NUMB: variants seen among roughly 807,000 people sequenced by gnomAD.
NUMB encodes NUMB endocytic adaptor protein.
NUMB carries 29 observed loss-of-function variants against 59.7 expected under a neutral mutation model. The observed-to-expected ratio is 0.49, with a 90% CI of 0.36 to 0.66. NUMB has a LOEUF of 0.66. Among genes scored for constraint, NUMB ranks in the 30% least tolerant of loss-of-function variants. NUMB has a pLI of 0.00. For synonymous variants in NUMB, 288 were observed against 288.2 expected (o/e 1.00, Z 0.01); for missense variants, 723 against 822.0 (o/e 0.88, Z 1.47).
chr14:73,314,787 T>C (rs1218931336), intron 6 of NUMB, among the ~76,000 whole-genome samples: 2 of 152,014 alleles, frequency 1.3e-5, no homozygotes, highest in East Asian at 1.9e-4. Flanking sequence ...ACTTGAACAA[T>C]AGTTAAAATT....
At chr14:73,451,599 TAAATA>T (rs1276390986) in intron 1 of NUMB, among the ~76,000 whole-genome samples, 2 of 151,968 alleles carry the variant, frequency 1.3e-5, no homozygotes, top group East Asian at 3.9e-4. Context: ...TGGGCATCTT[TAAATA>T]AAATAAATTA....
intron 2 of NUMB, among the ~76,000 whole-genome samples, chr14:73,368,121 G>A (rs1397299076): frequency 6.6e-6 from 1 of 152,088 alleles, no homozygotes; most frequent in South Asian, 2.1e-4. Context: ...TGGCTGGCAA[G>A]AGGGTAAATA....
intron 4 of NUMB, among the ~76,000 whole-genome samples, chr14:73,345,003 C>T (rs920379475): frequency 6.6e-6 from 1 of 152,300 alleles, no homozygotes; most frequent in Admixed American, 6.5e-5. Flanking sequence ...TGGGTATATA[C>T]CCGAGGGAAT....
At chr14:73,373,937 C>T (rs1465209217) in intron 2 of NUMB, among the ~76,000 whole-genome samples, 1 of 150,668 alleles carries the variant, frequency 6.6e-6, no homozygotes, top group Admixed American at 6.6e-5. Flanking sequence ...AGTGTGATCT[C>T]GGCTCACTTC....
At chr14:73,434,273 T>C (rs1274610814) in intron 1 of NUMB, among the ~76,000 whole-genome samples, 3 of 152,168 alleles carry the variant, frequency 2.0e-5, no homozygotes, top group African/African-American at 4.8e-5. Context: ...CTCTATGATA[T>C]TGGGCAAATC....
rs869074049 is a variant in NUMB, at chr14:73,389,272, C to CAAAAAAAAAAA, written c.-101+20654_-101+20664dup. Among the ~76,000 whole-genome samples, 33 of 66,462 alleles carry CAAAAAAAAAAA rather than the reference C, an allele frequency of 5.0e-4. 1 individual carries two copies. Among genetic ancestry groups the CAAAAAAAAAAA allele is most frequent in the African/African-American group, 1.5e-3 (26 of 17,132 alleles). The allele number at this position is 66,462 out of a possible 152,430, so 43.6% of individuals were successfully genotyped here. On this transcript the variant is annotated intron_variant, in intron 2 of 12. Transcript: ENST00000555238. ...GGTTACAGAGCGAGACTCCATCTCT[C>CAAAAAAAAAAA]AAAAAAAAAAAAAAAAAAAAACAAA...
Position 73,316,406 on chromosome 14 carries a change from T to C in NUMB, c.218A>G (p.Lys73Arg), listed in dbSNP as rs1192986175. ...KRLKAERKFF[K>R]GFFGKTGKKA... Reference sequence around the variant, plus strand: ...CAAACTTACTTTTCCAAAGAAGCCTTTGAAGAACTTCCTTTCCTGGAGGAA... The same window carrying C: ...CAAACTTACTTTTCCAAAGAAGCCTCTGAAGAACTTCCTTTCCTGGAGGAA... The change falls in exon 6 of 13, where the codon AAA becomes AGA. Residue 73 changes from lysine (K) to arginine (R), a missense_variant. Physicochemically the swap from Lys to Arg is conservative, Grantham distance 26. This residue lies in a region of NUMB where 317 missense variants were observed against 436.6 expected (regional missense o/e 0.73). Transcript: ENST00000555238. 3.1e-6 allele frequency: 5 copies of C among 1,613,630 alleles called. No individual in the cohort carries two copies. The East Asian group carries it at 8.9e-5, about 29-fold the overall frequency.
Position 73,352,603 on chromosome 14 carries a change from C to T in NUMB, c.126+3023G>A, listed in dbSNP as rs373018080. On this transcript the variant is annotated intron_variant, in intron 4 of 12. Transcript: ENST00000555238. ...AGGCTGGAGTGCAGTGGCACAATCT[C>T]GGCTCACTTCAAGCTTCGCCTCCCT... Among the ~76,000 whole-genome samples the T allele has an allele frequency of 5.7e-3, 774 of 135,440 alleles. 3 individuals are homozygous for T. Among genetic ancestry groups the T allele is most frequent in the Middle Eastern group, 0.013 (3 of 226 alleles). The allele number at this position is 135,440 out of a possible 152,430, so 88.9% of individuals were successfully genotyped here. A position where few individuals can be genotyped will look rare whatever the true frequency, so the allele number is the denominator to read the frequency against.
In NUMB at chr14:73,287,524, C is replaced by T. The variant is rs1220431314; in HGVS notation, c.451-210G>A. Among the ~76,000 whole-genome samples the T allele has an allele frequency of 2.0e-5, 3 of 151,900 alleles. No homozygotes were observed. In the East Asian group the frequency reaches 5.8e-4, roughly 29 times the overall value. On this transcript the variant is annotated intron_variant, in intron 8 of 12. Transcript: ENST00000555238. The stretch of plus-strand genomic sequence containing the variant: ...TCCTGAGTAGCTGGGACTACAATCA[C>T]GCACCACCACACCTGGCTAATTTTT...
rs2140333336 is a variant in NUMB at position 73,276,795 on chromosome 14, G to A, written c.1739C>T (p.Ala580Val). ...ATTSPFFKPP[A>V]QHLNGSAAFN... ...AGCTGCAGAACCGTTGAGGTGCTGA[G>A]CAGGAGGCTTAAAGAAGGGACTGGT... Residue 580 changes from alanine to valine, a missense_variant, in exon 13 of 13, where the codon GCT (alanine) becomes GTT (valine). Transcript: ENST00000555238. 1 of 1,614,212 alleles carries A rather than the reference G, an allele frequency of 6.2e-7. No homozygotes were observed. Among genetic ancestry groups the A allele is most frequent in the South Asian group, 1.1e-5 (1 of 91,092 alleles).
intron 6 of NUMB, chr14:73,298,832 A>G (rs1347188340): frequency 6.6e-6 from 1 of 152,166 alleles, no homozygotes; most frequent in Non-Finnish European, 1.5e-5. Context: ...AAATTTGATG[A>G]GTGCCTATAA....
In NUMB at chr14:73,414,078, CT is replaced by C. The variant is rs540968318; in HGVS notation, c.-232-4011del. Among the ~76,000 whole-genome samples the C allele has an allele frequency of 2.2e-4, 33 of 152,150 alleles. 1 individual carries two copies. The South Asian group carries it at 6.6e-3, about 31-fold the overall frequency. Reference sequence around the variant, plus strand: ...CAAGGGATTCTCATGCCTCAGCCTCCTGAGTAGCTGAGACTACAGGCACATG... The same window carrying C: ...CAAGGGATTCTCATGCCTCAGCCTCCGAGTAGCTGAGACTACAGGCACATG... On this transcript the variant is annotated intron_variant, in intron 1 of 12. Coordinates refer to ENST00000555238, the MANE Select transcript of NUMB (RefSeq NM_001005743.2).
chr14:73,419,485 G>A (rs1897270663), intron 1 of NUMB, among the ~76,000 whole-genome samples: 1 of 152,064 alleles, frequency 6.6e-6, no homozygotes, highest in Admixed American at 6.6e-5. Flanking sequence ...CTCCAGCCTG[G>A]GCGACAGAGC....
intron 1 of NUMB, among the ~76,000 whole-genome samples, chr14:73,430,609 G>A (rs796457980): frequency 3.9e-5 from 6 of 152,040 alleles, no homozygotes; most frequent in African/African-American, 1.4e-4. Context: ...ACTCTAGTCT[G>A]GGTGACAAGG....
At position 73,278,925 on chromosome 14, in the gene NUMB, CA is replaced by C; in HGVS notation, c.1240+355del. ...GTATTTTTAGTAGAGATGGTTTCAC[CA>C]TGTTGGCCAGGATGGTCTCCATCTC... On this transcript the variant is annotated intron_variant, in intron 12 of 12. Transcript: ENST00000555238. Among the ~76,000 whole-genome samples the C allele has an allele frequency of 1.3e-5, 2 of 152,070 alleles. 1 individual carries two copies. The highest frequency in any genetic ancestry group is 4.2e-4 in the South Asian group (2 of 4,810).
intron 1 of NUMB, among the ~76,000 whole-genome samples, chr14:73,436,516 C>T (rs1898058788): frequency 6.6e-6 from 1 of 152,036 alleles, no homozygotes; most frequent in Admixed American, 6.6e-5. Flanking sequence ...GACACGGTTT[C>T]ACCATGTTGG....
At chr14:73,380,325 C>T (rs867285606) in intron 2 of NUMB, among the ~76,000 whole-genome samples, 5 of 152,126 alleles carry the variant, frequency 3.3e-5, no homozygotes, top group African/African-American at 1.2e-4. Flanking sequence ...CCTGAGCAAT[C>T]GGAAGAATGG....
chr14:73,350,060 TATAC>T (rs199905122), intron 4 of NUMB, among the ~76,000 whole-genome samples: 23 of 143,072 alleles, frequency 1.6e-4, no homozygotes, highest in African/African-American at 3.4e-4. Context: ...TACATACATA[TATAC>T]ATACATACAT....
chr14:73,402,561 C>A (rs577974143), intron 2 of NUMB, among the ~76,000 whole-genome samples: 1 of 152,194 alleles, frequency 6.6e-6, no homozygotes, highest in African/African-American at 2.4e-5. Flanking sequence ...TCTCACTCTA[C>A]CCCAATGTCC....
Sources: allele counts gnomAD v4.1 joint callset (sites outside exome capture counted in the v4.1 genomes callset), GRCh38; gene constraint gnomAD v4.1.1; regional missense constraint gnomAD v4.1.1; transcripts MANE v1.5; gene names NCBI Gene and HGNC (gene_info 2026-07-23, HGNC 2026-07-21).